The following CDH17 variants were observed in gnomAD, a reference collection of about 807,000 sequenced individuals.
CDH17 encodes cadherin-17.
Under a neutral mutation model 86.3 loss-of-function variants are expected in CDH17, and 67 were observed. That is an observed-to-expected ratio of 0.78 (90% confidence interval 0.64 to 0.95). The LOEUF (loss-of-function observed/expected upper bound fraction) is 0.95. CDH17 is among the 40% of genes least tolerant of loss of function. The pLI is 0.00. For missense variants in CDH17, 993 were observed against 1,017.6 expected, an observed-to-expected ratio of 0.98 and a Z score of 0.33; for synonymous variants, 367 against 366.4, an observed-to-expected ratio of 1.00 and a Z score of -0.02.
rs80143849 is a variant in CDH17 at position 94,149,627 on chromosome 8, G to A, written c.1797-753C>T. On this transcript the variant is annotated intron_variant, in intron 13 of 17. Transcript: ENST00000027335. ...AGCACCAAGGGCCAAGGAACAGCAT[G>A]GTGAGTGTGGGGTCAGGCATTTCAG... Among the ~76,000 whole-genome samples, 732 of 152,270 alleles carry A rather than the reference G, an allele frequency of 4.8e-3. 5 individuals are homozygous for A. Among genetic ancestry groups the A allele is most frequent in the African/African-American group, 0.017 (689 of 41,546 alleles).
At chr8:94,154,800 G>A (rs1308547763) in intron 12 of CDH17, among the ~76,000 whole-genome samples, 1 of 152,152 alleles carries the variant, frequency 6.6e-6, no homozygotes, top group African/African-American at 2.4e-5. Context: ...AAGAAGAACT[G>A]CATCATATTC....
chr8:94,133,590 A>T (rs563039184), intron 15 of CDH17, among the ~76,000 whole-genome samples: 12 of 152,200 alleles, frequency 7.9e-5, no homozygotes, highest in Non-Finnish European at 1.2e-4. Context: ...ATATACAATC[A>T]TGTCATGTGC....
At chr8:94,179,061 A>C (rs1022069469) in intron 3 of CDH17, among the ~76,000 whole-genome samples, 5 of 151,640 alleles carry the variant, frequency 3.3e-5, no homozygotes, top group African/African-American at 7.3e-5. Context: ...AAAAAAAAAA[A>C]AACTAAGGTT....
At chr8:94,156,548 T>C (rs1317618098) in intron 12 of CDH17, among the ~76,000 whole-genome samples, 1 of 152,152 alleles carries the variant, frequency 6.6e-6, no homozygotes, top group Middle Eastern at 3.2e-3. Flanking sequence ...TGGGCAGAAG[T>C]AAATACAGAG....
chr8:94,169,469 G>A (rs544144681), intron 9 of CDH17, among the ~76,000 whole-genome samples: 16 of 152,218 alleles, frequency 1.1e-4, no homozygotes, highest in Admixed American at 3.9e-4. Context: ...CCAAGCCTCC[G>A]GGAAGGCACC....
intron 3 of CDH17, among the ~76,000 whole-genome samples, chr8:94,186,868 C>T (rs1813591322): frequency 6.6e-6 from 1 of 152,180 alleles, no homozygotes; most frequent in South Asian, 2.1e-4. Flanking sequence ...CTAGTCCAGC[C>T]CGTGCTGACC....
upstream of CDH17, among the ~76,000 whole-genome samples, chr8:94,210,936 A>G (rs999654460): frequency 6.7e-6 from 1 of 149,982 alleles, no homozygotes; most frequent in African/African-American, 2.5e-5. Flanking sequence ...CAGGAGAATC[A>G]TTTGAACCTG....
intron 15 of CDH17, among the ~76,000 whole-genome samples, chr8:94,140,780 A>G (rs938633244): frequency 6.6e-6 from 1 of 152,230 alleles, no homozygotes; most frequent in Admixed American, 6.5e-5. Context: ...ACATTAGATT[A>G]ATGAAATAGA....
Position 94,174,076 on chromosome 8 carries a change from TCCTACCAGGGCACCCCTGAA to T in CDH17, c.583+6_583+25del, listed in dbSNP as rs749304790. ...AACTCCCTTTTTCTGATCGAGACAG[TCCTACCAGGGCACCCCTGAA>T]CTTACCCTCTCGGGTAAGAGAGATG... On this transcript the variant is annotated splice_donor_region_variant and intron_variant, in intron 6 of 17. Coordinates refer to ENST00000027335, the MANE Select transcript of CDH17 (RefSeq NM_004063.4). 2.5e-6 allele frequency: 4 copies of T among 1,612,130 alleles called. No homozygotes were observed. Among genetic ancestry groups the T allele is most frequent in the Non-Finnish European group, 3.4e-6 (4 of 1,178,464 alleles).
intron 1 of CDH17, among the ~76,000 whole-genome samples, chr8:94,216,315 T>C (rs2607059): frequency 0.69 from 105,472 of 152,018 alleles, 37,522 homozygotes; most frequent in African/African-American, 0.85. Context: ...TCCCTTGCCT[T>C]GGGTGGTCCA....
intron 1 of CDH17, chr8:94,202,947 CT>C: frequency 1.8e-5 from 6 of 325,800 alleles, no homozygotes; most frequent in East Asian, 1.1e-4. Flanking sequence ...CCTTCTTGGG[CT>C]TTTTAGCTCT....
At chr8:94,199,260 T>C (rs1813859602) in intron 1 of CDH17, among the ~76,000 whole-genome samples, 2 of 151,792 alleles carry the variant, frequency 1.3e-5, no homozygotes, top group South Asian at 4.2e-4. Context: ...AACATGGATA[T>C]CTTATTAATT....
chr8:94,211,608 T>C (rs1586037744), upstream of CDH17, among the ~76,000 whole-genome samples: 1 of 152,264 alleles, frequency 6.6e-6, no homozygotes, highest in African/African-American at 2.4e-5. Flanking sequence ...CCACTGCTCC[T>C]GGCCTATTTT....
chr8:94,142,069 A>G (rs569215367), intron 15 of CDH17, among the ~76,000 whole-genome samples: 30 of 150,724 alleles, frequency 2.0e-4, no homozygotes, highest in African/African-American at 4.4e-4. Flanking sequence ...GATTTTTGCC[A>G]AAGTTGTTAA....
intron 15 of CDH17, among the ~76,000 whole-genome samples, chr8:94,145,177 T>C (rs1022009220): frequency 2.0e-5 from 3 of 152,188 alleles, no homozygotes; most frequent in Non-Finnish European, 4.4e-5. Flanking sequence ...ACTGCAAATC[T>C]TTGTCCCTAC....
intron 10 of CDH17, among the ~76,000 whole-genome samples, chr8:94,163,093 C>G (rs1813087809): frequency 6.6e-6 from 1 of 152,196 alleles, no homozygotes; most frequent in Admixed American, 6.5e-5. Context: ...TGTTAGCGGC[C>G]TCTATATAGC....
At chr8:94,209,822 G>A (rs2129668883), upstream of CDH17, among the ~76,000 whole-genome samples, 1 of 152,160 alleles carries the variant, frequency 6.6e-6, no homozygotes, top group African/African-American at 2.4e-5. Flanking sequence ...TTCAGTTCCT[G>A]GAATCAAGGG....
At chr8:94,173,497 C>T (rs890785325) in intron 7 of CDH17, among the ~76,000 whole-genome samples, 8 of 152,160 alleles carry the variant, frequency 5.3e-5, no homozygotes, top group African/African-American at 9.7e-5. Flanking sequence ...GCTGGAGCCA[C>T]GCTTGAACAG....
At chr8:94,216,418 C>CGTCAGAT (rs772680057) in intron 1 of CDH17, among the ~76,000 whole-genome samples, 14 of 152,134 alleles carry the variant, frequency 9.2e-5, no homozygotes, top group Non-Finnish European at 2.1e-4. Context: ...CCTCAGCCAG[C>CGTCAGAT]GTCAGATCCC....
Sources: allele counts gnomAD v4.1 joint callset (sites outside exome capture counted in the v4.1 genomes callset), GRCh38; gene constraint gnomAD v4.1.1; transcripts MANE v1.5; gene names NCBI Gene and HGNC (gene_info 2026-07-23, HGNC 2026-07-21).